Variants in RNF212 observed in about 807,000 individuals in gnomAD.
The protein encoded by RNF212 is probable E3 SUMO-protein ligase RNF212.
A neutral mutation model predicts 34.7 loss-of-function variants in RNF212; 33 were observed. The ratio of observed to expected loss-of-function variants is 0.95; its 90% CI spans 0.72 to 1.27. RNF212 has a LOEUF of 1.27. RNF212 is among the 50% of genes most tolerant of loss of function. The pLI is 0.00. For missense variants in RNF212, 377 were observed against 362.2 expected (o/e 1.04, Z -0.33); for synonymous variants, 140 against 136.1 (o/e 1.03, Z -0.20).
intron 2 of RNF212, among the ~76,000 whole-genome samples, chr4:1,097,610 C>T (rs1723263350): frequency 6.6e-6 from 1 of 151,200 alleles, no homozygotes; most frequent in Non-Finnish European, 1.5e-5. Flanking sequence ...GGTTACAAGC[C>T]CTCATGCAGA....
intron 8 of RNF212, among the ~76,000 whole-genome samples, chr4:1,074,559 A>ACT (rs976988388): frequency 1.3e-5 from 2 of 150,898 alleles, no homozygotes; most frequent in African/African-American, 4.9e-5. Context: ...TGCTCCAGGG[A>ACT]CTCTCTCTGC....
chr4:1,073,523 A>G, intron 9 of RNF212, 76 bp downstream of exon 9: 6 of 1,161,720 alleles, frequency 5.2e-6, no homozygotes, highest in Non-Finnish European at 7.8e-6. Flanking sequence ...GACAGCTTTG[A>G]TTAAACATGA....
At chr4:1,056,834 T>A in intron 4 of RNF212, 6 of 987,686 alleles carry the variant, frequency 6.1e-6, no homozygotes, top group Non-Finnish European at 7.2e-6. Context: ...GGCTGAGCAC[T>A]TGCCTAAACA....
chr4:1,111,488 G>A (rs1042411729), intron 1 of RNF212, among the ~76,000 whole-genome samples: 10 of 151,988 alleles, frequency 6.6e-5, no homozygotes, highest in African/African-American at 1.9e-4. Flanking sequence ...GTTCCCTCCC[G>A]CTGGGCTCCT....
intron 1 of RNF212, among the ~76,000 whole-genome samples, chr4:1,112,166 C>G (rs572317170): frequency 6.6e-6 from 1 of 152,318 alleles, no homozygotes; most frequent in African/African-American, 2.4e-5. Flanking sequence ...GAGATCCCGC[C>G]ACCGAACTCC....
intron 4 of RNF212, among the ~76,000 whole-genome samples, chr4:1,057,843 T>A (rs1717436676): frequency 6.6e-6 from 1 of 152,246 alleles, no homozygotes; most frequent in African/African-American, 2.4e-5. Flanking sequence ...GGCAGGCAGA[T>A]CACCTGAGGT....
At chr4:1,113,584 CAGCCCTGCGCCCGCGCACTGG>C, upstream of RNF212, 1 of 703,442 alleles carries the variant, frequency 1.4e-6, no homozygotes, top group South Asian at 2.2e-5. Context: ...AAGTCGACGG[CAGCCCTGCGCCCGCGCACTGG>C]AGCTCGCGCC....
intron 1 of RNF212, among the ~76,000 whole-genome samples, chr4:1,108,969 G>C (rs1253711107): frequency 6.6e-6 from 1 of 151,488 alleles, no homozygotes; most frequent in Non-Finnish European, 1.5e-5. Flanking sequence ...CCAAAGTGCT[G>C]GGATTGTAGG....
upstream of RNF212, chr4:1,113,666 A>T (rs1389100373): frequency 6.4e-6 from 3 of 471,890 alleles, no homozygotes; most frequent in South Asian, 6.1e-5. Flanking sequence ...GGCGCGTGTG[A>T]CTCGTCTCCC....
downstream of RNF212, among the ~76,000 whole-genome samples, chr4:1,068,896 C>T (rs184811680): frequency 1.3e-5 from 2 of 152,258 alleles, no homozygotes; most frequent in East Asian, 3.9e-4. Context: ...AAAATACAAA[C>T]CTCTGAACAA....
rs1482839454 is a variant in RNF212, at chr4:1,108,358, A to C, written c.156T>G (p.Val52=). 1 of 1,512,010 alleles carries C rather than the reference A, an allele frequency of 6.6e-7. No individual in the cohort carries two copies. Among genetic ancestry groups the C allele is most frequent in the Non-Finnish European group, 8.8e-7 (1 of 1,140,202 alleles). The allele number at this position is 1,512,010 out of a possible 1,614,324, so 93.7% of individuals were successfully genotyped here. ...CLICKAPCRT[V]LLSKHTDADI... ...TTCAACTTACATGCTTTGAAAGCAA[A>C]ACTGTACGACAAGGAGCTTTACAAA... The change falls in exon 2 of 10, where the codon GTT becomes GTG. Residue 52 remains valine (V), a synonymous_variant. Transcript: ENST00000433731.
At chr4:1,058,740 C>T (rs969102444) in intron 3 of RNF212, among the ~76,000 whole-genome samples, 4 of 152,210 alleles carry the variant, frequency 2.6e-5, no homozygotes, top group African/African-American at 9.6e-5. Flanking sequence ...CTGGCCAGTC[C>T]CAGCTGAGTT....
chr4:1,107,765 C>T (rs1725052657), intron 2 of RNF212, among the ~76,000 whole-genome samples: 1 of 152,124 alleles, frequency 6.6e-6, no homozygotes, highest in Non-Finnish European at 1.5e-5. Context: ...TACACATTTG[C>T]CATTATAATT....
At chr4:1,107,904 T>C (rs1725072751) in intron 2 of RNF212, among the ~76,000 whole-genome samples, 1 of 152,278 alleles carries the variant, frequency 6.6e-6, no homozygotes, top group Non-Finnish European at 1.5e-5. Flanking sequence ...CAATCATTTG[T>C]TTATACCAAT....
chr4:1,111,095 C>G lies in RNF212; in HGVS notation c.109+2261G>C, dbSNP rs557824214. Among the ~76,000 whole-genome samples the G allele has an allele frequency of 1.4e-4, 22 of 152,320 alleles. No homozygotes were observed. In the South Asian group the frequency reaches 4.6e-3, roughly 32 times the overall value. ...CAATGTTATCTTCGGGGAACATTAT[C>G]TTGGGTCACCAGTGCCCTCCTCACT... On this transcript the variant is annotated intron_variant, in intron 1 of 9. Coordinates refer to ENST00000433731, the MANE Select transcript of RNF212 (RefSeq NM_001131034.4).
intron 5 of RNF212, among the ~76,000 whole-genome samples, chr4:1,083,647 CA>C (rs1720712889): frequency 5.4e-5 from 8 of 148,316 alleles, no homozygotes; most frequent in Admixed American, 3.3e-4. Context: ...CAAAAACAAA[CA>C]AACAAACAAA....
intron 1 of RNF212, among the ~76,000 whole-genome samples, chr4:1,110,571 AATG>A (rs1451820334): frequency 6.6e-6 from 1 of 152,230 alleles, no homozygotes; most frequent in Non-Finnish European, 1.5e-5. Context: ...CAACCTTAAG[AATG>A]ATGATACAGA....
chr4:1,068,923 T>C (rs755051512), downstream of RNF212, among the ~76,000 whole-genome samples: 40 of 152,292 alleles, frequency 2.6e-4, no homozygotes, highest in African/African-American at 8.7e-4. Flanking sequence ...AATCTATGAA[T>C]ATGGCTGGAC....
Position 1,072,326 on chromosome 4 carries a change from G to A in RNF212, c.*548C>T, listed in dbSNP as rs1718588270. The stretch of plus-strand genomic sequence containing the variant: ...CTATTCCATATGCTGCTACGATGGG[G>A]ACACATGTCACTAGATATTTGTTCA... On this transcript the variant is annotated 3_prime_UTR_variant, in exon 10 of 10. Coordinates refer to ENST00000433731, the MANE Select transcript of RNF212 (RefSeq NM_001131034.4). 2.0e-5 allele frequency: 3 copies of A among 153,528 alleles called. No individual in the cohort carries two copies. Among genetic ancestry groups the A allele is most frequent in the African/African-American group, 4.8e-5 (2 of 41,558 alleles). The allele number at this position is 153,528 out of a possible 1,614,324, so 9.5% of individuals were successfully genotyped here.
Sources: allele counts gnomAD v4.1 joint callset (sites outside exome capture counted in the v4.1 genomes callset), GRCh38; gene constraint gnomAD v4.1.1; transcripts MANE v1.5; gene names NCBI Gene and HGNC (gene_info 2026-07-23, HGNC 2026-07-21).